ATP7B: variants seen among roughly 807,000 people sequenced by gnomAD.
ATP7B encodes ATPase copper transporting beta.
ATP7B carries 113 observed loss-of-function variants against 118.9 expected under a neutral mutation model. The ratio of observed to expected loss-of-function variants is 0.95; its 90% confidence interval spans 0.82 to 1.11. The LOEUF is 1.11. Among genes scored for constraint, ATP7B ranks in the 50% most tolerant of loss-of-function variants. ATP7B has a pLI of 0.00. For missense variants in ATP7B, 1,867 were observed against 1,871.4 expected (o/e 1.00, Z 0.04); for synonymous variants, 777 against 727.4 (o/e 1.07, Z -1.10).
intron 9 of ATP7B, among the ~76,000 whole-genome samples, chr13:51,956,012 T>G (rs1480093012): frequency 1.3e-5 from 2 of 152,162 alleles, no homozygotes; most frequent in African/African-American, 4.8e-5. Context: ...TGAGGAAAGC[T>G]GGGATGATGA....
intron 1 of ATP7B, among the ~76,000 whole-genome samples, chr13:51,981,505 G>A (rs375978289): frequency 1.5e-4 from 23 of 152,258 alleles, no homozygotes; most frequent in African/African-American, 5.1e-4. Flanking sequence ...CTGAATATCT[G>A]GAATGAGTAC....
rs182873607 is a variant in ATP7B at position 51,955,779 on chromosome 13, T to C, written c.2447+1737A>G. ...CAGAAACTTTCATGCAATTAATTTA[T>C]AAGAGAAGAAAAAAAAAAGAAGCCA... On this transcript the variant is annotated intron_variant, in intron 9 of 20. Transcript: ENST00000242839. Among the ~76,000 whole-genome samples, 417 of 150,202 alleles carry C rather than the reference T, an allele frequency of 2.8e-3. 3 individuals carry two copies. Among genetic ancestry groups the C allele is most frequent in the African/African-American group, 9.4e-3 (383 of 40,896 alleles).
Position 51,944,220 on chromosome 13 carries a change from C to G in ATP7B, c.3132G>C (p.Leu1044=). 1 of 1,614,152 alleles carries G rather than the reference C, an allele frequency of 6.2e-7. No individual in the cohort carries two copies. Among genetic ancestry groups the G allele is most frequent in the Non-Finnish European group, 8.5e-7 (1 of 1,180,028 alleles). Residue 1044 remains leucine, a synonymous_variant, in exon 14 of 21, where the codon CTG becomes CTC. Transcript: ENST00000242839. The part of the protein sequence containing the change: ...HGVPRVMRVL[L]LGDVATLPLR... ...GGGGCAGTGTGGCCACATCCCCCAG[C>G]AGGAGCACCCGCATGACCCTGGGGA...
chr13:51,942,899 A>C (rs913188103), intron 14 of ATP7B, among the ~76,000 whole-genome samples: 1 of 152,222 alleles, frequency 6.6e-6, no homozygotes, highest in Non-Finnish European at 1.5e-5. Context: ...CCTCAAATTA[A>C]AGAGGACTGC....
chr13:51,968,403 G>A (rs369255793), intron 4 of ATP7B, 41 bp downstream of exon 4: 1 of 1,613,896 alleles, frequency 6.2e-7, no homozygotes, highest in African/African-American at 1.3e-5. Context: ...AATGCAAACT[G>A]TCAGAAGCCT....
chr13:52,001,599 T>A (rs921344352), intron 1 of ATP7B, among the ~76,000 whole-genome samples: 4 of 152,148 alleles, frequency 2.6e-5, no homozygotes, highest in African/African-American at 9.7e-5. Flanking sequence ...TGCTCAAACG[T>A]CAACTTCTCA....
chr13:51,979,776 A>T (rs994244631), intron 1 of ATP7B, among the ~76,000 whole-genome samples: 49 of 152,134 alleles, frequency 3.2e-4, no homozygotes, highest in Admixed American at 3.1e-3. Flanking sequence ...CAAACCCCAA[A>T]CCATAACAGC....
chr13:51,938,675 C>T (rs1957122203), intron 17 of ATP7B, among the ~76,000 whole-genome samples: 1 of 152,198 alleles, frequency 6.6e-6, no homozygotes, highest in South Asian at 2.1e-4. Flanking sequence ...CCAGGAGTCA[C>T]TTATCTGAGC....
chr13:51,968,254 G>A (rs1033113743), intron 4 of ATP7B, among the ~76,000 whole-genome samples, 190 bp downstream of exon 4: 7 of 152,112 alleles, frequency 4.6e-5, no homozygotes, highest in South Asian at 2.1e-4. Context: ...ACTGTTTAAC[G>A]TAACTGACCT....
At chr13:51,952,035 C>T (rs758404325) in intron 9 of ATP7B, among the ~76,000 whole-genome samples, 1 of 152,168 alleles carries the variant, frequency 6.6e-6, no homozygotes, top group Non-Finnish European at 1.5e-5. Flanking sequence ...GCAAAGACAA[C>T]AGCGAAAGTC....
intron 9 of ATP7B, among the ~76,000 whole-genome samples, chr13:51,952,340 A>G (rs1391559787): frequency 6.6e-6 from 1 of 152,262 alleles, no homozygotes; most frequent in Non-Finnish European, 1.5e-5. Flanking sequence ...CTAATGGTCA[A>G]CAAGCCAGAA....
At chr13:51,975,675 C>A in intron 1 of ATP7B, 1 of 452,348 alleles carries the variant, frequency 2.2e-6, no homozygotes, top group Non-Finnish European at 4.5e-6. Context: ...CTAGGGGTGT[C>A]TGTCTGATTA....
Position 51,964,930 on chromosome 13 carries a change from G to A in ATP7B, c.1811C>T (p.Ala604Val), listed in dbSNP as rs959916899. 6.2e-7 allele frequency: 1 copy of A among 1,614,078 alleles called. No homozygotes were observed. The highest frequency in any genetic ancestry group is 8.5e-7 in the Non-Finnish European group (1 of 1,180,016). ...YASVALATSK[A>V]LVKFDPEIIG... ...AATTTCCGGGTCAAACTTAACAAGG[G>A]CTTTGCTGGTGGCAAGGGCAACGGA... Residue 604 changes from alanine to valine, a missense_variant, in exon 5 of 21, where the codon GCC becomes GTC. Physicochemically the swap from Ala to Val is moderately conservative, Grantham distance 64. Transcript: ENST00000242839.
intron 9 of ATP7B, 111 bp from the exon 10 acceptor site, chr13:51,950,510 T>C: frequency 6.8e-7 from 1 of 1,464,926 alleles, no homozygotes; most frequent in Non-Finnish European, 9.4e-7. Flanking sequence ...TGAGCAACAG[T>C]ATTCATTTGA....
chr13:51,981,013 T>C (rs571461141), intron 1 of ATP7B, among the ~76,000 whole-genome samples: 1 of 152,190 alleles, frequency 6.6e-6, no homozygotes, highest in Non-Finnish European at 1.5e-5. Flanking sequence ...GAGTGTTATT[T>C]TATGAGGATG....
At chr13:51,967,330 G>C (rs1428429773) in intron 4 of ATP7B, among the ~76,000 whole-genome samples, 2 of 151,628 alleles carry the variant, frequency 1.3e-5, no homozygotes, top group Non-Finnish European at 2.9e-5. Flanking sequence ...TTATCCCTTT[G>C]TTTAATAAAT....
intron 1 of ATP7B, among the ~76,000 whole-genome samples, chr13:51,999,179 C>T (rs370628992): frequency 6.6e-6 from 1 of 152,186 alleles, no homozygotes; most frequent in Non-Finnish European, 1.5e-5. Flanking sequence ...GAGAGGAGCA[C>T]AAGACACATA....
chr13:51,990,402 C>T (rs1389194759), intron 1 of ATP7B, among the ~76,000 whole-genome samples: 5 of 151,948 alleles, frequency 3.3e-5, no homozygotes, highest in African/African-American at 1.2e-4. Context: ...TATAGTCCAT[C>T]GAACAGAAAT....
At chr13:51,993,795 C>A (rs1347460872) in intron 1 of ATP7B, among the ~76,000 whole-genome samples, 1 of 152,202 alleles carries the variant, frequency 6.6e-6, no homozygotes, top group African/African-American at 2.4e-5. Context: ...GATTTATCAT[C>A]CACTTTGCAA....
Sources: gnomAD v4.1 joint callset for allele counts (sites outside exome capture counted in the v4.1 genomes callset) on GRCh38, gnomAD v4.1.1 for gene constraint, MANE v1.5 for transcripts, NCBI Gene and HGNC (gene_info 2026-07-23, HGNC 2026-07-21) for gene names.